Variants in ATXN1 observed in about 807,000 individuals in gnomAD.
ATXN1 encodes the protein ataxin 1.
ATXN1 carries 8 observed loss-of-function variants against 56.4 expected under a neutral mutation model. The observed-to-expected ratio is 0.14, with a 90% confidence interval of 0.08 to 0.26. The LOEUF is 0.26. ATXN1 is among the 10% of genes least tolerant of loss of function. ATXN1 has a pLI of 1.00. For missense variants in ATXN1, 987 were observed against 1,106.5 expected (o/e 0.89, Z 1.53); for synonymous variants, 514 against 494.6 (o/e 1.04, Z -0.52).
chr6:16,669,735 A>G (rs1758501953), intron 2 of ATXN1, among the ~76,000 whole-genome samples: 1 of 148,066 alleles, frequency 6.8e-6, no homozygotes. Flanking sequence ...GGTTTGTTAC[A>G]TAAGTATACA....
At chr6:16,513,965 A>T (rs1761130139) in intron 5 of ATXN1, among the ~76,000 whole-genome samples, 1 of 152,150 alleles carries the variant, frequency 6.6e-6, no homozygotes, top group African/African-American at 2.4e-5. Flanking sequence ...GGGGAAAAAG[A>T]TTTGGGGCTG....
intron 4 of ATXN1, among the ~76,000 whole-genome samples, chr6:16,571,587 G>T (rs532962461): frequency 6.6e-6 from 1 of 151,926 alleles, no homozygotes; most frequent in South Asian, 2.1e-4. Context: ...GAACTCCTGG[G>T]CTCAAGCAAT....
At chr6:16,601,327 A>AT (rs1762908068) in intron 3 of ATXN1, among the ~76,000 whole-genome samples, 1 of 152,220 alleles carries the variant, frequency 6.6e-6, no homozygotes, top group Non-Finnish European at 1.5e-5. Context: ...TTATTTAAGT[A>AT]TGTTGCTATC....
intron 4 of ATXN1, among the ~76,000 whole-genome samples, chr6:16,555,234 C>T (rs558438888): frequency 7.9e-5 from 12 of 152,310 alleles, no homozygotes; most frequent in East Asian, 1.9e-4. Context: ...CCATCCCTTG[C>T]TTCCTGTGCT....
intron 3 of ATXN1, among the ~76,000 whole-genome samples, chr6:16,603,017 A>G (rs1396466425): frequency 5.3e-5 from 8 of 152,204 alleles, no homozygotes; most frequent in African/African-American, 1.9e-4. Context: ...AATGTTAAAG[A>G]GCCCTCTCAG....
chr6:16,365,138 C>T (rs1761892509), intron 6 of ATXN1, among the ~76,000 whole-genome samples: 1 of 152,098 alleles, frequency 6.6e-6, no homozygotes, highest in Non-Finnish European at 1.5e-5. Flanking sequence ...TATACATGTG[C>T]CATAGCAGAG....
At chr6:16,314,322 A>T (rs896881918) in intron 7 of ATXN1, among the ~76,000 whole-genome samples, 2 of 152,264 alleles carry the variant, frequency 1.3e-5, no homozygotes, top group African/African-American at 4.8e-5. Flanking sequence ...GGATATAAAC[A>T]TTCTTAAAGG....
At chr6:16,419,414 T>C (rs1213307486) in intron 6 of ATXN1, among the ~76,000 whole-genome samples, 2 of 151,904 alleles carry the variant, frequency 1.3e-5, no homozygotes, top group African/African-American at 4.8e-5. Context: ...CTGGTAATCA[T>C]ATACTCTTTG....
At chr6:16,403,113 TCA>T (rs1008539396) in intron 6 of ATXN1, among the ~76,000 whole-genome samples, 82 of 152,286 alleles carry the variant, frequency 5.4e-4, no homozygotes, top group African/African-American at 1.9e-3. Flanking sequence ...AATACATACG[TCA>T]CACATGCACA....
intron 3 of ATXN1, among the ~76,000 whole-genome samples, chr6:16,630,537 G>C: frequency 6.6e-6 from 1 of 152,192 alleles, no homozygotes. Context: ...GATGATATCA[G>C]AGCATGACAG....
intron 6 of ATXN1, among the ~76,000 whole-genome samples, chr6:16,358,746 CGCCCTCTTGGG>C (rs1456122413): frequency 2.0e-5 from 3 of 152,190 alleles, no homozygotes; most frequent in Admixed American, 6.5e-5. Flanking sequence ...GCAGGAGCCC[CGCCCTCTTGGG>C]GCCACAGCCA....
intron 2 of ATXN1, among the ~76,000 whole-genome samples, chr6:16,702,898 T>C (rs1330825338): frequency 6.6e-6 from 1 of 152,164 alleles, no homozygotes; most frequent in Admixed American, 6.5e-5. Flanking sequence ...GTAAACTAGT[T>C]CAACCATTGT....
intron 4 of ATXN1, among the ~76,000 whole-genome samples, chr6:16,548,299 G>C (rs1761851997): frequency 6.6e-6 from 1 of 152,208 alleles, no homozygotes; most frequent in Non-Finnish European, 1.5e-5. Flanking sequence ...ATTGGAAGTT[G>C]CTCTGGGTGA....
chr6:16,374,453 C>T (rs1237382408), intron 6 of ATXN1, among the ~76,000 whole-genome samples: 1 of 152,200 alleles, frequency 6.6e-6, no homozygotes, highest in Non-Finnish European at 1.5e-5. Context: ...CCGTATATAA[C>T]AAGTTCCACA....
intron 1 of ATXN1, among the ~76,000 whole-genome samples, chr6:16,757,012 C>G (rs564556654): frequency 6.6e-6 from 1 of 152,278 alleles, no homozygotes; most frequent in East Asian, 1.9e-4. Flanking sequence ...ATAATGACAA[C>G]AAAAACAGGA....
Position 16,327,538 on chromosome 6 carries a change from C to A in ATXN1, c.773G>T (p.Gly258Val). The stretch of plus-strand genomic sequence containing the variant: ...GATGGCCGGAGGAGAGGCGGTGCGG[C>A]CGGTGTTCTGCGGAGAACTGGAAAT... ...VHISSSPQNT[G>V]RTASPPAIPV... Residue 258 changes from glycine (G) to valine (V), a missense_variant, in exon 7 of 8, where the codon GGC (glycine) becomes GTC (valine). Coordinates refer to ENST00000436367, the MANE Select transcript of ATXN1 (RefSeq NM_001128164.2). The A allele has an allele frequency of 3.7e-6, 6 of 1,609,754 alleles. No homozygotes were observed. The highest frequency in any genetic ancestry group is 5.1e-6 in the Non-Finnish European group (6 of 1,178,454).
intron 3 of ATXN1, among the ~76,000 whole-genome samples, chr6:16,654,146 T>C (rs1758137400): frequency 6.6e-6 from 1 of 152,214 alleles, no homozygotes; most frequent in South Asian, 2.1e-4. Flanking sequence ...CTTGAAGCCA[T>C]GTGCAACCCA....
At chr6:16,543,395 CTGTG>C (rs1372915065) in intron 4 of ATXN1, among the ~76,000 whole-genome samples, 1 of 152,132 alleles carries the variant, frequency 6.6e-6, no homozygotes, top group Non-Finnish European at 1.5e-5. Flanking sequence ...TTTTCCCCCT[CTGTG>C]TGTATTTTTA....
At chr6:16,356,811 T>G (rs962998) in intron 6 of ATXN1, among the ~76,000 whole-genome samples, 16,450 of 152,172 alleles carry the variant, frequency 0.11, 2,445 homozygotes, top group African/African-American at 0.32. Flanking sequence ...AAACTAATTT[T>G]CAAATTAGGC....
Sources: gnomAD v4.1 joint callset for allele counts (sites outside exome capture counted in the v4.1 genomes callset) on GRCh38, gnomAD v4.1.1 for gene constraint, MANE v1.5 for transcripts, NCBI Gene and HGNC (gene_info 2026-07-23, HGNC 2026-07-21) for gene names.